FBXO36: variants seen among roughly 807,000 people sequenced by gnomAD.
FBXO36 encodes F-box only protein 36.
Under a neutral mutation model 17.0 loss-of-function variants are expected in FBXO36, and 18 were observed. The observed-to-expected ratio is 1.06, with a 90% CI of 0.73 to 1.57. The LOEUF (loss-of-function observed/expected upper bound fraction) is 1.57. FBXO36 is among the 40% of genes most tolerant of loss of function. The pLI is 0.00. For synonymous variants in FBXO36, 83 were observed against 85.3 expected (o/e 0.97, Z 0.15); for missense variants, 229 against 221.9 (o/e 1.03, Z -0.20).
chr2:229,975,046 A>G lies in FBXO36; in HGVS notation c.97-1195A>G, dbSNP rs1025705934. Among the ~76,000 whole-genome samples the G allele has an allele frequency of 2.6e-5, 4 of 152,242 alleles. No individual in the cohort carries two copies. The East Asian group carries it at 5.8e-4, about 22-fold the overall frequency. ...TACAGGTTTAAAAACATAATATAAG[A>G]TATGTTTCAAGGGGCTTCTCATCAG... On this transcript the variant is annotated intron_variant, in intron 1 of 3. Coordinates refer to ENST00000283946, the MANE Select transcript of FBXO36 (RefSeq NM_174899.5).
In FBXO36 at chr2:229,946,893, G is replaced by A. The variant is rs576917992; in HGVS notation, c.96+24284G>A. ...TTAAAAGCAAGTATAGAAGTCAGGCGCTGTGGCTCATGCCTATAATCCTAG... is the reference window on the plus strand; with the variant it reads ...TTAAAAGCAAGTATAGAAGTCAGGCACTGTGGCTCATGCCTATAATCCTAG... On this transcript the variant is annotated intron_variant, in intron 1 of 3. Coordinates refer to ENST00000283946, the MANE Select transcript of FBXO36 (RefSeq NM_174899.5). 4.6e-5 allele frequency among the ~76,000 whole-genome samples: 7 copies of A among 152,274 alleles called. No homozygotes were observed. In the South Asian group the frequency reaches 1.4e-3, roughly 32 times the overall value.
Position 229,996,923 on chromosome 2 carries a change from G to A in FBXO36, c.378G>A (p.Lys126=). 1 of 1,605,460 alleles carries A rather than the reference G, an allele frequency of 6.2e-7. No homozygotes were observed. The highest frequency in any genetic ancestry group is 8.5e-7 in the Non-Finnish European group (1 of 1,177,796). ...GTCAAACATCACACAGATTTGCAAA[G>A]GTAACGGTCAATTATTTTATGTCTA... ...RLCQTSHRFA[K]LCMSDKLWEQ... Residue 126 remains lysine, a splice_region_variant and synonymous_variant, in exon 3 of 4, where the codon AAG becomes AAA. Transcript: ENST00000283946.
chr2:230,009,179 GAC>G (rs1364188933), intron 3 of FBXO36, among the ~76,000 whole-genome samples: 2 of 152,140 alleles, frequency 1.3e-5, no homozygotes, highest in Non-Finnish European at 2.9e-5. Flanking sequence ...AGGAAGTCAG[GAC>G]ACAGGGGGGC....
chr2:229,993,135 T>C (rs1402955186), intron 2 of FBXO36, among the ~76,000 whole-genome samples: 1 of 152,184 alleles, frequency 6.6e-6, no homozygotes, highest in South Asian at 2.1e-4. Flanking sequence ...CAACATATTT[T>C]ACCCCAAAAC....
intron 1 of FBXO36, among the ~76,000 whole-genome samples, chr2:229,931,148 C>T (rs897638549): frequency 6.4e-4 from 98 of 152,062 alleles, no homozygotes; most frequent in Admixed American, 6.3e-3. Flanking sequence ...TGGCATGATC[C>T]AAGTAAGGTG....
intron 2 of FBXO36, among the ~76,000 whole-genome samples, chr2:229,991,899 A>G (rs10165336): frequency 0.017 from 2,602 of 152,064 alleles, 71 homozygotes; most frequent in African/African-American, 0.06. Context: ...TCTTTATACC[A>G]TGTTTTTCTT....
rs1363696932 is a variant in FBXO36, at chr2:229,984,391, A to AT, written c.205+8052dup. On this transcript the variant is annotated intron_variant, in intron 2 of 3. Transcript: ENST00000283946. ...CAAATCAATTACATCTTTAGGTTTTATTTTTTTTTTATTTTTTGAGTCGGA... is the reference window on the plus strand; with the variant it reads ...CAAATCAATTACATCTTTAGGTTTTATTTTTTTTTTTATTTTTTGAGTCGGA... Among the ~76,000 whole-genome samples the AT allele has an allele frequency of 4.5e-3, 665 of 147,714 alleles. 6 individuals carry two copies. Among genetic ancestry groups the AT allele is most frequent in the African/African-American group, 0.015 (587 of 40,352 alleles).
chr2:229,954,530 A>G (rs1660718), intron 1 of FBXO36, among the ~76,000 whole-genome samples: 26,341 of 142,790 alleles, frequency 0.18, 2,682 homozygotes, highest in East Asian at 0.28. Context: ...GGCATGAGCC[A>G]CTGCACCCGG....
At chr2:229,995,489 A>C (rs969820045) in intron 2 of FBXO36, among the ~76,000 whole-genome samples, 14 of 152,078 alleles carry the variant, frequency 9.2e-5, no homozygotes, top group African/African-American at 3.4e-4. Flanking sequence ...TACAAAAAAA[A>C]ATCATAATAA....
chr2:229,955,107 C>T (rs1055275440), intron 1 of FBXO36, among the ~76,000 whole-genome samples: 2 of 152,198 alleles, frequency 1.3e-5, no homozygotes, highest in African/African-American at 4.8e-5. Context: ...CTTCCTTGGC[C>T]TCCCAAAGTG....
At chr2:229,961,180 A>G (rs1390012744) in intron 1 of FBXO36, among the ~76,000 whole-genome samples, 3 of 152,244 alleles carry the variant, frequency 2.0e-5, no homozygotes, top group African/African-American at 4.8e-5. Flanking sequence ...TAAGTAAATC[A>G]TCCTTTCTTC....
rs533632924 is a variant in FBXO36 at position 229,933,894 on chromosome 2, C to T, written c.96+11285C>T. The stretch of plus-strand genomic sequence containing the variant: ...AAAGATGGGATTTTGCCATGTTGGC[C>T]AGGCTGGTCTCGAACTCCTGAACTC... On this transcript the variant is annotated intron_variant, in intron 1 of 3. Transcript: ENST00000283946. Among the ~76,000 whole-genome samples the T allele has an allele frequency of 3.9e-5, 6 of 152,046 alleles. No homozygotes were observed. The East Asian group carries it at 1.2e-3, about 30-fold the overall frequency.
At chr2:229,988,558 G>A (rs1011473074) in intron 2 of FBXO36, among the ~76,000 whole-genome samples, 4 of 151,826 alleles carry the variant, frequency 2.6e-5, no homozygotes, top group African/African-American at 4.8e-5. Flanking sequence ...TTTTGAGACC[G>A]AGTTTCACTC....
intron 3 of FBXO36, among the ~76,000 whole-genome samples, chr2:230,002,186 C>T (rs149867160): frequency 6.6e-6 from 1 of 152,096 alleles, no homozygotes; most frequent in East Asian, 1.9e-4. Flanking sequence ...CCCATGTTGA[C>T]ATCTTACATA....
intron 2 of FBXO36, among the ~76,000 whole-genome samples, chr2:229,985,805 T>C (rs989984752): frequency 1.3e-5 from 2 of 152,186 alleles, no homozygotes; most frequent in African/African-American, 4.8e-5. Flanking sequence ...TCCCAGCACT[T>C]TGGGAGGCAA....
At chr2:229,941,880 G>C (rs1006689671) in intron 1 of FBXO36, among the ~76,000 whole-genome samples, 4 of 152,124 alleles carry the variant, frequency 2.6e-5, no homozygotes, top group Non-Finnish European at 5.9e-5. Flanking sequence ...GCCGGGTGTG[G>C]TGGCGCATGC....
In FBXO36 at chr2:229,977,926, CT is replaced by C. The variant is rs1244987530; in HGVS notation, c.205+1579del. Among the ~76,000 whole-genome samples the C allele has an allele frequency of 2.6e-5, 4 of 152,208 alleles. No homozygotes were observed. The East Asian group carries it at 5.8e-4, about 22-fold the overall frequency. Reference sequence around the variant, plus strand: ...TAGAATGTGTCTCTCAAGGGACTTTCTTCGACTAAACTCTTTAATAATTACT... The same window carrying C: ...TAGAATGTGTCTCTCAAGGGACTTTCTCGACTAAACTCTTTAATAATTACT... On this transcript the variant is annotated intron_variant, in intron 2 of 3. Coordinates refer to ENST00000283946, the MANE Select transcript of FBXO36 (RefSeq NM_174899.5).
intron 1 of FBXO36, among the ~76,000 whole-genome samples, chr2:229,964,593 T>C (rs747666386): frequency 3.9e-5 from 6 of 152,222 alleles, no homozygotes; most frequent in Non-Finnish European, 7.3e-5. Context: ...CGATCTCGGC[T>C]TACCACAGCC....
intron 1 of FBXO36, among the ~76,000 whole-genome samples, chr2:229,939,758 G>T (rs547275324): frequency 3.3e-5 from 5 of 152,272 alleles, no homozygotes; most frequent in Non-Finnish European, 5.9e-5. Flanking sequence ...GGCCACCTTA[G>T]CCTTTACAGC....
Sources: allele counts gnomAD v4.1 joint callset (sites outside exome capture counted in the v4.1 genomes callset), GRCh38; gene constraint gnomAD v4.1.1; transcripts MANE v1.5; gene names NCBI Gene and HGNC (gene_info 2026-07-23, HGNC 2026-07-21).